CCDC88C: variants seen among roughly 807,000 people sequenced by gnomAD.
CCDC88C encodes protein Daple.
In CCDC88C, 131 loss-of-function variants were observed where a neutral mutation model predicts 198.8. The ratio of observed to expected loss-of-function variants is 0.66; its 90% CI spans 0.57 to 0.76. The LOEUF is 0.76. CCDC88C is among the 30% of genes least tolerant of loss of function. The pLI is 0.00. For missense variants in CCDC88C, 2,553 were observed against 2,631.6 expected (o/e 0.97, Z 0.65); for synonymous variants, 1,166 against 1,114.7 (o/e 1.05, Z -0.92).
chr14:91,336,541 C>T (rs1042155871), intron 10 of CCDC88C, among the ~76,000 whole-genome samples: 2 of 152,020 alleles, frequency 1.3e-5, no homozygotes, highest in East Asian at 3.9e-4. Flanking sequence ...ATGCAGCCGT[C>T]AGAAGCTGCC....
Position 91,325,764 on chromosome 14 carries a change from G to A in CCDC88C, c.1197+146C>T. The A allele has an allele frequency of 1.4e-6, 1 of 694,664 alleles. No individual in the cohort carries two copies. The highest frequency in any genetic ancestry group is 2.8e-5 in the East Asian group (1 of 35,580). 43.0% of individuals were successfully genotyped at this position (694,664 alleles called of 1,614,324 possible). ...CAATTATTTAGTTTTCGTAGAGATGGGGCCTCGCTAGGTTGCCAGGGTTAG... is the reference window on the plus strand; with the variant it reads ...CAATTATTTAGTTTTCGTAGAGATGAGGCCTCGCTAGGTTGCCAGGGTTAG... On this transcript the variant is annotated intron_variant, in intron 11 of 29. Coordinates refer to ENST00000389857, the MANE Select transcript of CCDC88C (RefSeq NM_001080414.4). The surrounding 1 kb of genome is among the most constrained non-coding windows in gnomAD (Gnocchi z 4.1).
rs1596019963 is a variant in CCDC88C at position 91,283,522 on chromosome 14, G to A, written c.4442-5C>T. 1 of 1,605,110 alleles carries A rather than the reference G, an allele frequency of 6.2e-7. No homozygotes were observed. Among genetic ancestry groups the A allele is most frequent in the Non-Finnish European group, 8.5e-7 (1 of 1,175,978 alleles). ...TTGGTTTTAGATCCCCAGGGCCTGA[G>A]GCAGAAGAGGACATTGAGAAATGAG... On this transcript the variant is annotated splice_region_variant and splice_polypyrimidine_tract_variant and intron_variant, in intron 25 of 29. Transcript: ENST00000389857.
At chr14:91,285,188 C>T (rs558344599) in intron 25 of CCDC88C, among the ~76,000 whole-genome samples, 1 of 152,332 alleles carries the variant, frequency 6.6e-6, no homozygotes, top group East Asian at 1.9e-4. Flanking sequence ...AGGCCCACAA[C>T]TCAGTGCTCT....
intron 3 of CCDC88C, among the ~76,000 whole-genome samples, chr14:91,398,961 G>C (rs1188184672): frequency 6.6e-6 from 1 of 152,174 alleles, no homozygotes; most frequent in Admixed American, 6.5e-5. Context: ...ACAGCTGAGT[G>C]GTCTCCTGGG....
At chr14:91,337,213 A>G (rs1285782) in intron 10 of CCDC88C, among the ~76,000 whole-genome samples, 11,735 of 152,298 alleles carry the variant, frequency 0.077, 517 homozygotes, top group Middle Eastern at 0.11. Flanking sequence ...CCTTTCACCT[A>G]CATTTTTCCC....
At position 91,272,871 on chromosome 14, in the gene CCDC88C, T is replaced by A. The variant is rs1261738219; in HGVS notation, c.5841A>T (p.Ser1947=). The change falls in exon 30 of 30, where the codon TCA becomes TCT. Residue 1947 remains serine, a synonymous_variant. Coordinates refer to ENST00000389857, the MANE Select transcript of CCDC88C (RefSeq NM_001080414.4). ...CAGGGGTGATGGTGGCCACCTCCCC[T>A]GAGCGTGGGGGCGCCTTGGGCTTGG... ...ARTKPKAPPR[S]GEVATITPVR... The A allele has an allele frequency of 6.3e-7, 1 of 1,591,668 alleles. No homozygotes were observed. The highest frequency in any genetic ancestry group is 1.3e-5 in the African/African-American group (1 of 74,756).
chr14:91,412,371 C>T (rs1484988276), intron 2 of CCDC88C, among the ~76,000 whole-genome samples: 1 of 151,936 alleles, frequency 6.6e-6, no homozygotes, highest in African/African-American at 2.4e-5. Context: ...AAATCACAGG[C>T]AAGTTTTATT....
chr14:91,359,856 A>G (rs1596110726), intron 3 of CCDC88C, 145 bp from the exon 4 acceptor site: 3 of 700,816 alleles, frequency 4.3e-6, no homozygotes, highest in Admixed American at 2.2e-5. Context: ...GACAGCAAGG[A>G]GCACGTAAGA....
chr14:91,337,582 C>T (rs1893103149), intron 10 of CCDC88C, among the ~76,000 whole-genome samples: 1 of 152,366 alleles, frequency 6.6e-6, no homozygotes, highest in African/African-American at 2.4e-5. Flanking sequence ...CTCAAGCGAT[C>T]CTCCCACCTT....
chr14:91,325,388 G>GCT lies in CCDC88C; in HGVS notation c.1198-467_1198-466dup, dbSNP rs143985114. ...CAGAAAAGCAATACAGAAGTCAAGT[G>GCT]CTCTGTTTGTGGGTGTTAAGTGGCA... On this transcript the variant is annotated intron_variant, in intron 11 of 29. Transcript: ENST00000389857. This position sits in a 1 kb window ranked among gnomAD's most constrained non-coding sequence, Gnocchi z 4.1. 0.09 allele frequency among the ~76,000 whole-genome samples: 13,669 copies of GCT among 152,094 alleles called. 823 individuals carry two copies. The highest frequency in any genetic ancestry group is 0.17 in the African/African-American group (6,962 of 41,430).
chr14:91,325,064 G>A lies in CCDC88C; in HGVS notation c.1198-141C>T, dbSNP rs746562071. On this transcript the variant is annotated intron_variant, in intron 11 of 29. Transcript: ENST00000389857. The surrounding 1 kb of genome is among the most constrained non-coding windows in gnomAD (Gnocchi z 4.1). Reference sequence around the variant, plus strand: ...ACTTCCAAATAAACAGAGCTGCACAGAAACATCCCAACACAGGGCCCTGCT... The same window carrying A: ...ACTTCCAAATAAACAGAGCTGCACAAAAACATCCCAACACAGGGCCCTGCT... The A allele has an allele frequency of 9.5e-5, 105 of 1,102,646 alleles. No individual in the cohort carries two copies. Among genetic ancestry groups the A allele is most frequent in the Non-Finnish European group, 1.3e-4 (98 of 769,256 alleles). 68.3% of individuals were successfully genotyped at this position (1,102,646 alleles called of 1,614,324 possible).
chr14:91,389,935 G>C (rs1331192049), intron 3 of CCDC88C, among the ~76,000 whole-genome samples: 1 of 151,974 alleles, frequency 6.6e-6, no homozygotes, highest in Non-Finnish European at 1.5e-5. Flanking sequence ...AGCTGGGCGT[G>C]GTGGCGGGCG....
chr14:91,293,845 AGC>A (rs1890879004), intron 23 of CCDC88C, among the ~76,000 whole-genome samples: 1 of 152,168 alleles, frequency 6.6e-6, no homozygotes, highest in Non-Finnish European at 1.5e-5. Flanking sequence ...ACTCATTCCC[AGC>A]CTTCAGTTTG....
Position 91,339,322 on chromosome 14 carries a change from C to A in CCDC88C, c.765G>T (p.Glu255Asp). 6.2e-7 allele frequency: 1 copy of A among 1,613,610 alleles called. No individual in the cohort carries two copies. Among genetic ancestry groups the A allele is most frequent in the Non-Finnish European group, 8.5e-7 (1 of 1,179,886 alleles). The change falls in exon 8 of 30, where the codon GAG becomes GAT. Residue 255 changes from glutamate (E) to aspartate (D), a missense_variant. Around this residue, in one of 2 missense-constraint regions of CCDC88C, gnomAD observed 1,260 missense variants for 1,412.0 expected, o/e 0.89. Transcript: ENST00000389857. The surrounding 1 kb of genome is among the most constrained non-coding windows in gnomAD (Gnocchi z 5.8). ...GCAGCCTGGCCTTGGTGTCGGCCAGCTCTACGGCCAGGTGCTGCTTGTCTT... is the reference window on the plus strand; with the variant it reads ...GCAGCCTGGCCTTGGTGTCGGCCAGATCTACGGCCAGGTGCTGCTTGTCTT... ...SSEDKQHLAV[E>D]LADTKARLRR...
At chr14:91,304,014 C>T (rs749887316) in intron 19 of CCDC88C, 36 bp from the exon 20 acceptor site, 3 of 1,582,280 alleles carry the variant, frequency 1.9e-6, no homozygotes, top group Admixed American at 1.7e-5. Context: ...GGCGCAGGCC[C>T]CACAGTCAGC....
chr14:91,406,096 C>A (rs117851932), intron 3 of CCDC88C, among the ~76,000 whole-genome samples: 3,083 of 152,262 alleles, frequency 0.02, 41 homozygotes, highest in Non-Finnish European at 0.031. Context: ...TTTGTGTGGC[C>A]ACTTCCCATC....
chr14:91,372,757 C>A (rs1894876323), intron 3 of CCDC88C, among the ~76,000 whole-genome samples: 1 of 152,132 alleles, frequency 6.6e-6, no homozygotes, highest in Non-Finnish European at 1.5e-5. Context: ...GTCCCCTCTG[C>A]CGGCTCCACC....
chr14:91,361,384 G>A (rs1208118995), intron 3 of CCDC88C, among the ~76,000 whole-genome samples: 14 of 152,292 alleles, frequency 9.2e-5, no homozygotes, highest in African/African-American at 3.1e-4. Context: ...CACATGGCCC[G>A]AGTGCGTATC....
chr14:91,404,922 G>A lies in CCDC88C; in HGVS notation c.270+3737C>T, dbSNP rs551981720. On this transcript the variant is annotated intron_variant, in intron 3 of 29. Coordinates refer to ENST00000389857, the MANE Select transcript of CCDC88C (RefSeq NM_001080414.4). Reference sequence around the variant, plus strand: ...AGAGCTTGCAGTGAGCCGAGATCACGCCACTGCACTCCAGGCTGGGCGACA... The same window carrying A: ...AGAGCTTGCAGTGAGCCGAGATCACACCACTGCACTCCAGGCTGGGCGACA... Among the ~76,000 whole-genome samples the A allele has an allele frequency of 8.8e-5, 13 of 148,284 alleles. No individual in the cohort carries two copies. The East Asian group carries it at 9.9e-4, about 11-fold the overall frequency.
Sources: gnomAD v4.1 joint callset for allele counts (sites outside exome capture counted in the v4.1 genomes callset) on GRCh38, gnomAD v4.1.1 for gene constraint, gnomAD v4.1.1 regional missense constraint, Gnocchi (gnomAD v3.1) non-coding constraint, MANE v1.5 for transcripts, NCBI Gene and HGNC (gene_info 2026-07-23, HGNC 2026-07-21) for gene names.